The following PRKCB variants were observed in gnomAD, a reference collection of about 807,000 sequenced individuals.
PRKCB encodes the protein protein kinase C beta type.
In PRKCB, 13 loss-of-function variants were observed where a neutral mutation model predicts 81.5. The ratio of observed to expected loss-of-function variants is 0.16; its 90% CI spans 0.10 to 0.25. The LOEUF (loss-of-function observed/expected upper bound fraction) is 0.25. Among genes scored for constraint, PRKCB ranks in the 10% least tolerant of loss-of-function variants. PRKCB has a pLI of 1.00. For missense variants in PRKCB, 509 were observed against 875.7 expected, an observed-to-expected ratio of 0.58 and a Z score of 5.29; for synonymous variants, 335 against 321.4, an observed-to-expected ratio of 1.04 and a Z score of -0.45.
chr16:24,051,693 G>T (rs1338260619), intron 5 of PRKCB, among the ~76,000 whole-genome samples: 2 of 151,984 alleles, frequency 1.3e-5, no homozygotes, highest in Admixed American at 1.3e-4. Context: ...GGGCAACATA[G>T]TGAGACCCCT....
chr16:23,972,028 A>T (rs531759177), intron 2 of PRKCB, among the ~76,000 whole-genome samples: 89 of 152,180 alleles, frequency 5.8e-4, no homozygotes, highest in Non-Finnish European at 1.1e-3. Flanking sequence ...TGTTAAAAAA[A>T]CCCCAGAATA....
rs1965557820 is a variant in PRKCB, at chr16:24,032,118, T to G, written c.289-18T>G. 5.7e-6 allele frequency: 9 copies of G among 1,577,606 alleles called. No homozygotes were observed. Among genetic ancestry groups the G allele is most frequent in the Non-Finnish European group, 7.8e-6 (9 of 1,147,284 alleles). ...CTCCACTGACGCTGGCTCCTTCTGT[T>G]GTTTCTCTTGGCTCCAGGACCCCCG... On this transcript the variant is annotated intron_variant, in intron 3 of 16. Coordinates refer to ENST00000643927, the MANE Select transcript of PRKCB (RefSeq NM_002738.7).
At chr16:24,001,248 C>T (rs1470225321) in intron 3 of PRKCB, among the ~76,000 whole-genome samples, 1 of 152,156 alleles carries the variant, frequency 6.6e-6, no homozygotes, top group Non-Finnish European at 1.5e-5. Context: ...TCTAAAGATA[C>T]CTTTTTCAAC....
At chr16:23,984,978 T>C (rs1172451869) in intron 2 of PRKCB, among the ~76,000 whole-genome samples, 1 of 152,224 alleles carries the variant, frequency 6.6e-6, no homozygotes, top group Non-Finnish European at 1.5e-5. Flanking sequence ...GTTTTCTATC[T>C]GGAAAACTCA....
chr16:24,124,868 A>G (rs198187), intron 9 of PRKCB, among the ~76,000 whole-genome samples: 114,761 of 152,034 alleles, frequency 0.75, 43,979 homozygotes, highest in East Asian at 0.96. Flanking sequence ...ACCGCCCCCC[A>G]CAGCCATGTA....
chr16:23,959,362 A>T (rs1038604005), intron 2 of PRKCB, among the ~76,000 whole-genome samples: 3 of 152,176 alleles, frequency 2.0e-5, no homozygotes, highest in African/African-American at 7.2e-5. Context: ...ACACTGTGGA[A>T]GGGGGCATTT....
chr16:24,140,407 G>A (rs747214498), intron 9 of PRKCB, among the ~76,000 whole-genome samples: 1 of 152,132 alleles, frequency 6.6e-6, no homozygotes, highest in Non-Finnish European at 1.5e-5. Flanking sequence ...AGATAGAGCC[G>A]ATTTCTCAAG....
chr16:24,210,830 T>A (rs143820333), intron 16 of PRKCB, among the ~76,000 whole-genome samples: 203 of 152,242 alleles, frequency 1.3e-3, no homozygotes, highest in African/African-American at 4.7e-3. Flanking sequence ...ATCACTTATC[T>A]CCCTCTGGCA....
chr16:23,904,188 G>T (rs1448661813), intron 2 of PRKCB, among the ~76,000 whole-genome samples: 1 of 152,138 alleles, frequency 6.6e-6, no homozygotes, highest in African/African-American at 2.4e-5. Flanking sequence ...AGCTAAGGGG[G>T]TGGGCTCTAG....
At chr16:23,984,645 A>T (rs1239653119) in intron 2 of PRKCB, among the ~76,000 whole-genome samples, 1 of 152,242 alleles carries the variant, frequency 6.6e-6, no homozygotes, top group African/African-American at 2.4e-5. Flanking sequence ...ACAATGCAAT[A>T]TGAAGAAAGA....
chr16:23,964,857 A>G (rs1202417743), intron 2 of PRKCB, among the ~76,000 whole-genome samples: 2 of 151,960 alleles, frequency 1.3e-5, no homozygotes, highest in Non-Finnish European at 2.9e-5. Context: ...TTTAGTAGAG[A>G]TAGGGTTTCA....
At chr16:24,178,527 T>C (rs1967571182) in intron 12 of PRKCB, among the ~76,000 whole-genome samples, 1 of 152,232 alleles carries the variant, frequency 6.6e-6, no homozygotes, top group African/African-American at 2.4e-5. Flanking sequence ...AGCTGAAGGG[T>C]TGTCATTTGT....
intron 2 of PRKCB, among the ~76,000 whole-genome samples, chr16:23,875,661 T>TACATGTATGTATATCACAC (rs1962996812): frequency 6.7e-5 from 4 of 60,054 alleles, no homozygotes; most frequent in African/African-American, 2.4e-4. Flanking sequence ...ATATCACACA[T>TACATGTATGTATATCACAC]ATATATGTAT....
At chr16:23,873,204 A>AAAAAAGAT (rs1962940524) in intron 2 of PRKCB, among the ~76,000 whole-genome samples, 1 of 140,804 alleles carries the variant, frequency 7.1e-6, no homozygotes, top group Non-Finnish European at 1.5e-5. Flanking sequence ...AAAAAAAAAA[A>AAAAAAGAT]AAAAAGAAAA....
chr16:24,109,449 T>C (rs1596551867), intron 7 of PRKCB, among the ~76,000 whole-genome samples: 3 of 86,750 alleles, frequency 3.5e-5, no homozygotes, highest in East Asian at 3.6e-4. Flanking sequence ...CGGGCAGAGG[T>C]GCTCCTCACA....
At chr16:23,854,144 G>C (rs748590876) in intron 2 of PRKCB, among the ~76,000 whole-genome samples, 1 of 151,574 alleles carries the variant, frequency 6.6e-6, no homozygotes, top group Non-Finnish European at 1.5e-5. Flanking sequence ...GATTATGAGA[G>C]CTACAATTCA....
At chr16:23,860,982 A>G (rs1297098680) in intron 2 of PRKCB, among the ~76,000 whole-genome samples, 1 of 152,028 alleles carries the variant, frequency 6.6e-6, no homozygotes, top group African/African-American at 2.4e-5. Context: ...TCATGTCCTA[A>G]ACATCTTTCT....
chr16:24,041,185 G>A (rs983351063), intron 5 of PRKCB, among the ~76,000 whole-genome samples: 3 of 151,756 alleles, frequency 2.0e-5, no homozygotes, highest in Non-Finnish European at 4.4e-5. Context: ...GAGTAGCTGC[G>A]ACTACAGGCG....
At chr16:24,191,369 G>A (rs1324542471) in intron 16 of PRKCB, 139 bp downstream of exon 16, 1 of 923,362 alleles carries the variant, frequency 1.1e-6, no homozygotes, top group Non-Finnish European at 1.6e-6. Context: ...TCACACATAT[G>A]CACAAAATCA....
Sources: gnomAD v4.1 joint callset for allele counts (sites outside exome capture counted in the v4.1 genomes callset) on GRCh38, gnomAD v4.1.1 for gene constraint, MANE v1.5 for transcripts, NCBI Gene and HGNC (gene_info 2026-07-23, HGNC 2026-07-21) for gene names.